Variants in SPARCL1 observed in about 807,000 individuals in gnomAD.
The protein encoded by SPARCL1 is SPARC like 1, also known as SPARC-like protein 1.
In SPARCL1, 52 loss-of-function variants were observed where a neutral mutation model predicts 67.1. The ratio of observed to expected loss-of-function variants is 0.78; its 90% CI spans 0.62 to 0.98. The LOEUF (loss-of-function observed/expected upper bound fraction) is 0.98, where lower values mean the gene tolerates loss of function less well. Among genes scored for constraint, SPARCL1 ranks in the 50% least tolerant of loss-of-function variants. SPARCL1 has a pLI of 0.00. For synonymous variants in SPARCL1, 226 were observed against 267.8 expected, an observed-to-expected ratio of 0.84 and a Z score of 1.52; for missense variants, 717 against 782.4, an observed-to-expected ratio of 0.92 and a Z score of 1.00.
rs544094510 is a variant in SPARCL1 at position 87,483,852 on chromosome 4, T to G, written c.1532-1292A>C. ...AATGACGAGTGATTATGAGCTTTTT[T>G]TCATATGTTTTTTGGCTGCATAAAT... On this transcript the variant is annotated intron_variant, in intron 7 of 10. Coordinates refer to ENST00000282470, the MANE Select transcript of SPARCL1 (RefSeq NM_004684.6). 2.6e-5 allele frequency among the ~76,000 whole-genome samples: 4 copies of G among 152,380 alleles called. No individual in the cohort carries two copies. In the East Asian group the frequency reaches 7.7e-4, roughly 29 times the overall value.
At chr4:87,504,607 G>A (rs1724997367) in intron 1 of SPARCL1, among the ~76,000 whole-genome samples, 1 of 152,128 alleles carries the variant, frequency 6.6e-6, no homozygotes, top group Admixed American at 6.5e-5. Context: ...TGGGATTGAA[G>A]CTAGATTTCC....
chr4:87,492,759 C>T (rs904480432), intron 4 of SPARCL1, among the ~76,000 whole-genome samples: 5 of 145,434 alleles, frequency 3.4e-5, no homozygotes, highest in Non-Finnish European at 4.4e-5. Flanking sequence ...ACCTTGTGTA[C>T]CAAAATCTGT....
Position 87,494,197 on chromosome 4 carries a change from T to A in SPARCL1, c.603A>T (p.Glu201Asp), listed in dbSNP as rs1372463722. ...CACCTGGCTCTTTTTCTTCTTCCTC[T>A]TCTCCATTGGAAATATTTGGATCCT... ...QEQDPNISNG[E>D]EEEEKEPGEV... Residue 201 changes from glutamate to aspartate, a missense_variant, in exon 4 of 11, where the codon GAA becomes GAT. Coordinates refer to ENST00000282470, the MANE Select transcript of SPARCL1 (RefSeq NM_004684.6). 6.2e-7 allele frequency: 1 copy of A among 1,614,108 alleles called. No homozygotes were observed. The highest frequency in any genetic ancestry group is 1.1e-5 in the South Asian group (1 of 91,082).
intron 1 of SPARCL1, chr4:87,528,441 G>A (rs1295726540): frequency 6.6e-6 from 1 of 151,726 alleles, no homozygotes; most frequent in Non-Finnish European, 1.5e-5. Context: ...GATAGTAGGA[G>A]GCAAAAAATA....
chr4:87,494,337 C>A lies in SPARCL1; in HGVS notation c.463G>T (p.Glu155Ter). The change falls in exon 4 of 11, where the codon GAA becomes TAA. Residue 155 changes from glutamate (E) to a stop codon, truncating the protein, a stop_gained. Transcript: ENST00000282470. LOFTEE classifies it high-confidence loss of function. ...TTTTCCTCTCTCTTTGTGATACTTT[C>A]TTGTTGGTTAGAATCTGTGAAGGAA... ...VSSFTDSNQQ[E>*]SITKREENQE... 4 of 1,614,104 alleles carry A rather than the reference C, an allele frequency of 2.5e-6. No individual in the cohort carries two copies. In the East Asian group the frequency reaches 8.9e-5, roughly 36 times the overall value.
rs1420363154 is a variant in SPARCL1 at position 87,508,786 on chromosome 4, G to GTGTA, written c.-11-9202_-11-9201insTACA. Reference sequence around the variant, plus strand: ...CAGGAACCGTGGATGAAACATATGTGTGTGTGTGTGTGTGTGTGTGTGTGT... The same window carrying GTGTA: ...CAGGAACCGTGGATGAAACATATGTGTGTATGTGTGTGTGTGTGTGTGTGTGTGT... On this transcript the variant is annotated intron_variant, in intron 1 of 10. Coordinates refer to ENST00000282470, the MANE Select transcript of SPARCL1 (RefSeq NM_004684.6). Among the ~76,000 whole-genome samples, 24 of 147,556 alleles carry GTGTA rather than the reference G, an allele frequency of 1.6e-4. No individual in the cohort carries two copies. The South Asian group carries it at 2.6e-3, about 16-fold the overall frequency.
intron 1 of SPARCL1, among the ~76,000 whole-genome samples, chr4:87,517,609 G>T (rs1003627473): frequency 1.3e-5 from 2 of 152,018 alleles, no homozygotes; most frequent in Non-Finnish European, 2.9e-5. Context: ...CCTAGTTCTT[G>T]GCTTTATCCT....
At chr4:87,491,953 C>CCG (rs1724362373) in intron 4 of SPARCL1, among the ~76,000 whole-genome samples, 1 of 44,258 alleles carries the variant, frequency 2.3e-5, no homozygotes, top group Non-Finnish European at 3.8e-5. Flanking sequence ...CACCCCCCCC[C>CCG]CCAAAAAAAA....
chr4:87,477,962 C>T (rs774495750), intron 10 of SPARCL1, among the ~76,000 whole-genome samples: 1 of 152,206 alleles, frequency 6.6e-6, no homozygotes, highest in Non-Finnish European at 1.5e-5. Flanking sequence ...AAAGGACTGA[C>T]CCTCTCTGCT....
At chr4:87,513,598 A>G (rs942019950) in intron 1 of SPARCL1, among the ~76,000 whole-genome samples, 22 of 151,984 alleles carry the variant, frequency 1.4e-4, no homozygotes, top group African/African-American at 5.3e-4. Flanking sequence ...CATGCAAATG[A>G]TTATTATTTT....
chr4:87,525,254 C>G (rs781074517), intron 1 of SPARCL1, among the ~76,000 whole-genome samples: 1 of 152,138 alleles, frequency 6.6e-6, no homozygotes, highest in Non-Finnish European at 1.5e-5. Context: ...TAGCAGCCAA[C>G]CTTTACCATG....
chr4:87,502,503 G>A (rs934843370), intron 1 of SPARCL1, among the ~76,000 whole-genome samples: 2 of 152,124 alleles, frequency 1.3e-5, no homozygotes, highest in African/African-American at 4.8e-5. Flanking sequence ...TTCCATATGA[G>A]TGAGAATATG....
chr4:87,504,897 G>A (rs909453248), intron 1 of SPARCL1: 1 of 152,136 alleles, frequency 6.6e-6, no homozygotes, highest in Non-Finnish European at 1.5e-5. Flanking sequence ...GATATTGAAA[G>A]TTTCTTTCAA....
chr4:87,487,260 C>T (rs917942119), intron 7 of SPARCL1, among the ~76,000 whole-genome samples: 1 of 152,034 alleles, frequency 6.6e-6, no homozygotes, highest in Non-Finnish European at 1.5e-5. Context: ...TTAGTGCTTC[C>T]TTCAGAAGCT....
At chr4:87,493,559 A>G in intron 4 of SPARCL1, 23 bp downstream of exon 4, 1 of 1,577,076 alleles carries the variant, frequency 6.3e-7, no homozygotes, top group Non-Finnish European at 8.6e-7. Flanking sequence ...TTATTGGACA[A>G]GGACCATTTA....
chr4:87,506,824 T>TCTAC lies in SPARCL1; in HGVS notation c.-11-7243_-11-7240dup, dbSNP rs1359810432. ...ATCTATCTATCTATCTATCTATCTA[T>TCTAC]CTACCTACCTACCTACCTACCTATC... On this transcript the variant is annotated intron_variant, in intron 1 of 10. Coordinates refer to ENST00000282470, the MANE Select transcript of SPARCL1 (RefSeq NM_004684.6). Among the ~76,000 whole-genome samples, 115 of 113,262 alleles carry TCTAC rather than the reference T, an allele frequency of 1.0e-3. 1 individual carries two copies. The highest frequency in any genetic ancestry group is 1.8e-3 in the Non-Finnish European group (88 of 48,738). The allele number at this position is 113,262 out of a possible 152,430, so 74.3% of individuals were successfully genotyped here.
intron 3 of SPARCL1, 62 bp from the exon 4 acceptor site, chr4:87,494,660 G>C: frequency 1.5e-6 from 2 of 1,299,516 alleles, no homozygotes; most frequent in Non-Finnish European, 2.1e-6. Context: ...TTATGCCTAA[G>C]GTAACATTTA....
At chr4:87,525,577 C>T (rs1726005695) in intron 1 of SPARCL1, among the ~76,000 whole-genome samples, 1 of 152,162 alleles carries the variant, frequency 6.6e-6, no homozygotes, top group Non-Finnish European at 1.5e-5. Flanking sequence ...TCTTTCTTTG[C>T]CTTCCCAGTT....
chr4:87,526,734 A>G (rs1048014796), intron 1 of SPARCL1, among the ~76,000 whole-genome samples: 1 of 152,210 alleles, frequency 6.6e-6, no homozygotes, highest in Non-Finnish European at 1.5e-5. Context: ...AGTACAAGGA[A>G]GAAACCCTGA....
Sources: allele counts gnomAD v4.1 joint callset (sites outside exome capture counted in the v4.1 genomes callset), GRCh38; gene constraint gnomAD v4.1.1; transcripts MANE v1.5; gene names NCBI Gene and HGNC (gene_info 2026-07-23, HGNC 2026-07-21).